Variants in IGSF11 observed in about 807,000 individuals in gnomAD.
IGSF11 encodes immunoglobulin superfamily member 11, also known as CXADR like 1.
Under a neutral mutation model 41.0 loss-of-function variants are expected in IGSF11, and 22 were observed. That is an observed-to-expected ratio of 0.54 (90% CI 0.38 to 0.77). The LOEUF (loss-of-function observed/expected upper bound fraction) is 0.77, where lower values mean the gene tolerates loss of function less well. Ranked by LOEUF, IGSF11 falls within the 30% of genes least tolerant of loss-of-function variation. The pLI is 0.00. For synonymous variants in IGSF11, 219 were observed against 201.3 expected, an observed-to-expected ratio of 1.09 and a Z score of -0.74; for missense variants, 444 against 530.8, an observed-to-expected ratio of 0.84 and a Z score of 1.61.
chr3:119,127,358 C>T lies in IGSF11; in HGVS notation c.-14+18455G>A, dbSNP rs1343291787. ...AAATGAAAAGGAATGAAAAAAGCCT[C>T]CAAGAAATATGGTACTTCATAAAAT... On this transcript the variant is annotated intron_variant, in intron 1 of 7. Coordinates refer to the IGSF11 transcript ENST00000425327. 2.2e-4 allele frequency among the ~76,000 whole-genome samples: 34 copies of T among 151,718 alleles called. 1 individual carries two copies. The highest frequency in any genetic ancestry group is 2.0e-3 in the Admixed American group (31 of 15,232).
At chr3:118,990,982 C>A (rs890233906) in intron 1 of IGSF11, among the ~76,000 whole-genome samples, 1 of 152,182 alleles carries the variant, frequency 6.6e-6, no homozygotes, top group Admixed American at 6.5e-5. Context: ...AATCAACCAG[C>A]TCCTCTGGAA....
chr3:119,058,142 G>A (rs1941921124), intron 1 of IGSF11, among the ~76,000 whole-genome samples: 1 of 152,052 alleles, frequency 6.6e-6, no homozygotes, highest in Non-Finnish European at 1.5e-5. Flanking sequence ...TTAAACTCAA[G>A]AGCTTCTGCA....
At chr3:118,966,494 A>C (rs899166018) in intron 1 of IGSF11, among the ~76,000 whole-genome samples, 1 of 152,186 alleles carries the variant, frequency 6.6e-6, no homozygotes, top group African/African-American at 2.4e-5. Flanking sequence ...AAAGTATGGT[A>C]AGTTTACCAA....
intron 1 of IGSF11, among the ~76,000 whole-genome samples, chr3:118,992,489 T>G (rs1935885268): frequency 6.6e-6 from 1 of 152,238 alleles, no homozygotes; most frequent in South Asian, 2.1e-4. Context: ...AAGTGTTTAT[T>G]CACCAGATTA....
chr3:119,129,191 A>G (rs1385589558), intron 1 of IGSF11, among the ~76,000 whole-genome samples: 1 of 152,110 alleles, frequency 6.6e-6, no homozygotes, highest in Non-Finnish European at 1.5e-5. Context: ...AACTTAGAGG[A>G]TGAGTCAATA....
chr3:118,988,802 A>G (rs1196708951), intron 1 of IGSF11, among the ~76,000 whole-genome samples: 1 of 152,222 alleles, frequency 6.6e-6, no homozygotes, highest in Non-Finnish European at 1.5e-5. Flanking sequence ...GAACTGTTTT[A>G]TCACTTGTGC....
chr3:119,078,335 A>G (rs1424455231), intron 1 of IGSF11, among the ~76,000 whole-genome samples: 1 of 152,160 alleles, frequency 6.6e-6, no homozygotes, highest in African/African-American at 2.4e-5. Flanking sequence ...GACCAATGGT[A>G]CACCAATACA....
intron 1 of IGSF11, among the ~76,000 whole-genome samples, chr3:119,059,750 A>G (rs1941994508): frequency 6.6e-6 from 1 of 151,996 alleles, no homozygotes; most frequent in Admixed American, 6.6e-5. Context: ...TTTTCAGTGG[A>G]AAGTAGAGTC....
In IGSF11 at chr3:119,132,845, A is replaced by T. The variant is rs950071989; in HGVS notation, c.-14+12968T>A. On this transcript the variant is annotated intron_variant, in intron 1 of 7. Transcript: ENST00000425327. ...AGCACTCCTCAGCAAATGTAAAAAA[A>T]TGGAAATCACAACAAACTATCTCTC... Among the ~76,000 whole-genome samples, 15 of 152,356 alleles carry T rather than the reference A, an allele frequency of 9.8e-5. No individual in the cohort carries two copies. The East Asian group carries it at 2.5e-3, about 25-fold the overall frequency.
At chr3:119,129,236 T>G (rs115732463) in intron 1 of IGSF11, among the ~76,000 whole-genome samples, 2 of 152,168 alleles carry the variant, frequency 1.3e-5, no homozygotes, top group Non-Finnish European at 2.9e-5. Flanking sequence ...CGTATACCTA[T>G]GTACCAAACC....
chr3:119,109,540 G>T (rs1446939376), upstream of IGSF11, among the ~76,000 whole-genome samples: 2 of 151,930 alleles, frequency 1.3e-5, no homozygotes, highest in Non-Finnish European at 2.9e-5. Context: ...CGAAAAACCA[G>T]CTCCTGGATT....
chr3:119,103,529 A>G lies in IGSF11; in HGVS notation c.49+1615T>C, dbSNP rs1238439628. Among the ~76,000 whole-genome samples the G allele has an allele frequency of 4.6e-5, 7 of 152,308 alleles. 1 individual carries two copies. The South Asian group carries it at 1.2e-3, about 27-fold the overall frequency. On this transcript the variant is annotated intron_variant, in intron 1 of 6. Transcript: ENST00000354673. ...TAAGATCTTCCTTTCTGCTAAGCCA[A>G]GAATTTCTGGATTAGCAGAAATTCT...
In IGSF11 at chr3:118,998,579, CA is replaced by C. The variant is rs1256652624; in HGVS notation, c.52+35951del. Among the ~76,000 whole-genome samples, 1,225 of 129,434 alleles carry C rather than the reference CA, an allele frequency of 9.5e-3. 12 individuals are homozygous for C. Among genetic ancestry groups the C allele is most frequent in the African/African-American group, 0.025 (889 of 35,424 alleles). 84.9% of individuals were successfully genotyped at this position (129,434 alleles called of 152,430 possible). A position where few individuals can be genotyped will look rare whatever the true frequency, so the allele number is the denominator to read the frequency against. On this transcript the variant is annotated intron_variant, in intron 1 of 6. Transcript: ENST00000393775. ...ATCTGCACCCACAAAGTATTATTTG[CA>C]AAAAAAAAAAAAGTTTGCAAATAGC...
intron 1 of IGSF11, among the ~76,000 whole-genome samples, chr3:119,091,658 C>A (rs2076762737): frequency 6.6e-6 from 1 of 152,052 alleles, no homozygotes; most frequent in Non-Finnish European, 1.5e-5. Flanking sequence ...AAACACTGAG[C>A]ACACATGGAC....
chr3:118,970,766 A>C (rs79050040), intron 1 of IGSF11, among the ~76,000 whole-genome samples: 18 of 149,444 alleles, frequency 1.2e-4, no homozygotes, highest in African/African-American at 4.5e-4. Flanking sequence ...AAAAAAAAAA[A>C]CCACAACTAA....
At chr3:119,108,196 G>A (rs1358437525), upstream of IGSF11, among the ~76,000 whole-genome samples, 6 of 151,448 alleles carry the variant, frequency 4.0e-5, no homozygotes, top group South Asian at 2.1e-4. Context: ...CCATTTTCAC[G>A]ATATTGATTC....
chr3:119,075,502 A>T (rs959157984), intron 1 of IGSF11, among the ~76,000 whole-genome samples: 3 of 152,094 alleles, frequency 2.0e-5, no homozygotes, highest in Admixed American at 2.0e-4. Flanking sequence ...CTTATACCAA[A>T]CCTAGCAGAG....
intron 1 of IGSF11, among the ~76,000 whole-genome samples, chr3:119,130,226 C>G (rs2077462463): frequency 1.3e-5 from 2 of 152,162 alleles, no homozygotes. Context: ...GTGCAGCCCA[C>G]AGAGGGTGAG....
At chr3:119,073,908 G>A (rs1360439274) in intron 1 of IGSF11, among the ~76,000 whole-genome samples, 1 of 152,252 alleles carries the variant, frequency 6.6e-6, no homozygotes, top group East Asian at 1.9e-4. Context: ...CCAAGGCCAA[G>A]GAGGCGCCAA....
Sources: allele counts gnomAD v4.1 joint callset (sites outside exome capture counted in the v4.1 genomes callset), GRCh38; gene constraint gnomAD v4.1.1; transcripts MANE v1.5; gene names NCBI Gene and HGNC (gene_info 2026-07-23, HGNC 2026-07-21).